The following DEUP1 variants were observed in gnomAD, a reference collection of about 807,000 sequenced individuals.
DEUP1 encodes coiled-coil domain containing 67.
Under a neutral mutation model 87.4 loss-of-function variants are expected in DEUP1, and 82 were observed. The ratio of observed to expected loss-of-function variants is 0.94; its 90% CI spans 0.78 to 1.13. The LOEUF (loss-of-function observed/expected upper bound fraction) is 1.13, where lower values mean the gene tolerates loss of function less well. Ranked by LOEUF, DEUP1 falls within the 50% of genes most tolerant of loss-of-function variation. The pLI is 0.00. For missense variants in DEUP1, 663 were observed against 681.5 expected, an observed-to-expected ratio of 0.97 and a Z score of 0.30; for synonymous variants, 214 against 222.7, an observed-to-expected ratio of 0.96 and a Z score of 0.35.
At chr11:93,403,206 T>G (rs991285285) in intron 11 of DEUP1, among the ~76,000 whole-genome samples, 6 of 151,958 alleles carry the variant, frequency 3.9e-5, no homozygotes, top group African/African-American at 7.2e-5. Flanking sequence ...TCTACTTGTT[T>G]TAAGGTTATA....
chr11:93,379,676 C>A (rs1381002020), intron 7 of DEUP1, among the ~76,000 whole-genome samples: 1 of 152,142 alleles, frequency 6.6e-6, no homozygotes, highest in Non-Finnish European at 1.5e-5. Context: ...ACTCTTCTGA[C>A]CCAAGTTCAA....
intron 4 of DEUP1, among the ~76,000 whole-genome samples, chr11:93,362,681 C>G (rs933383041): frequency 6.6e-6 from 1 of 151,868 alleles, no homozygotes. Flanking sequence ...TAAGATCCAA[C>G]AATTCCACTC....
In DEUP1 at chr11:93,394,483, G is replaced by A. The variant is rs772306267; in HGVS notation, c.1066G>A (p.Glu356Lys). The change falls in exon 10 of 14, where the codon GAA (glutamate) becomes AAA (lysine). Residue 356 changes from glutamate to lysine, a missense_variant. Glu to Lys is a moderately conservative substitution (Grantham distance 56). Transcript: ENST00000298050. Reference protein sequence around the residue: ...NKIRSQLQQVEEYHNSEQERM... With the variant: ...NKIRSQLQQVKEYHNSEQERM... ...GATAAGAAGCCAACTCCAACAGGTG[G>A]AAGAGTACCATAACTCTGAGCAGGA... 1.9e-6 allele frequency: 3 copies of A among 1,589,728 alleles called. No individual in the cohort carries two copies. Among genetic ancestry groups the A allele is most frequent in the Non-Finnish European group, 2.6e-6 (3 of 1,169,854 alleles).
intron 2 of DEUP1, among the ~76,000 whole-genome samples, chr11:93,343,070 T>A (rs548584322): frequency 2.2e-4 from 33 of 152,180 alleles, no homozygotes; most frequent in Non-Finnish European, 4.3e-4. Flanking sequence ...GACATAGAAG[T>A]CTTCAACTCA....
At chr11:93,368,220 C>T (rs1408784857) in intron 5 of DEUP1, among the ~76,000 whole-genome samples, 1 of 152,206 alleles carries the variant, frequency 6.6e-6, no homozygotes, top group Non-Finnish European at 1.5e-5. Context: ...CTGGCCATGG[C>T]CACAAGGGGC....
At chr11:93,359,574 C>T (rs1295441502) in intron 4 of DEUP1, among the ~76,000 whole-genome samples, 2 of 152,072 alleles carry the variant, frequency 1.3e-5, no homozygotes, top group African/African-American at 2.4e-5. Context: ...GTTTTTGCCT[C>T]ATATATCTCA....
chr11:93,371,967 C>T (rs1222028950), intron 7 of DEUP1, among the ~76,000 whole-genome samples: 5 of 146,348 alleles, frequency 3.4e-5, no homozygotes, highest in South Asian at 2.2e-4. Context: ...CTCGCTCTGT[C>T]GCCCAGGCTG....
intron 5 of DEUP1, among the ~76,000 whole-genome samples, chr11:93,367,096 TA>T (rs372855195): frequency 6.6e-6 from 1 of 152,194 alleles, no homozygotes; most frequent in African/African-American, 2.4e-5. Context: ...TTTATCATAG[TA>T]AATATAGTCT....
At chr11:93,333,733 A>G (rs950970307) in intron 2 of DEUP1, among the ~76,000 whole-genome samples, 1 of 152,244 alleles carries the variant, frequency 6.6e-6, no homozygotes, top group Non-Finnish European at 1.5e-5. Flanking sequence ...TAGTAGAGAA[A>G]GTAGGATTTG....
chr11:93,377,311 T>A (rs767777827), intron 7 of DEUP1, among the ~76,000 whole-genome samples: 2 of 152,194 alleles, frequency 1.3e-5, no homozygotes, highest in Non-Finnish European at 2.9e-5. Flanking sequence ...TAGGTGCATA[T>A]ATGTTTAGGA....
In DEUP1 at chr11:93,428,771, G is replaced by C. The variant is rs186414363; in HGVS notation, c.1639-8772G>C. Among the ~76,000 whole-genome samples the C allele has an allele frequency of 3.9e-4, 60 of 152,074 alleles. 1 individual carries two copies. Among genetic ancestry groups the C allele is most frequent in the African/African-American group, 1.4e-3 (58 of 41,498 alleles). On this transcript the variant is annotated intron_variant, in intron 13 of 13. Coordinates refer to ENST00000298050, the MANE Select transcript of DEUP1 (RefSeq NM_181645.4). Reference sequence around the variant, plus strand: ...TTGTATTTACTGATTTCATTACCCTGGTCATAGGCAATCATTAACCTGTTT... The same window carrying C: ...TTGTATTTACTGATTTCATTACCCTCGTCATAGGCAATCATTAACCTGTTT...
At chr11:93,417,017 A>G (rs902376759) in intron 13 of DEUP1, among the ~76,000 whole-genome samples, 1 of 151,850 alleles carries the variant, frequency 6.6e-6, no homozygotes, top group African/African-American at 2.4e-5. Flanking sequence ...TTAGGTATAC[A>G]TGGGACGTAT....
chr11:93,437,133 TC>T (rs1453786230), intron 13 of DEUP1, among the ~76,000 whole-genome samples: 1 of 152,210 alleles, frequency 6.6e-6, no homozygotes, highest in East Asian at 1.9e-4. Flanking sequence ...TCAAAGCCAA[TC>T]CTTATTTTCT....
At chr11:93,391,476 A>C (rs942360847) in intron 9 of DEUP1, among the ~76,000 whole-genome samples, 3 of 152,072 alleles carry the variant, frequency 2.0e-5, no homozygotes, top group Non-Finnish European at 2.9e-5. Context: ...TTGGGAGGCC[A>C]AGGTGGGCGG....
At chr11:93,373,624 C>CTTGTGT in intron 7 of DEUP1, among the ~76,000 whole-genome samples, 1 of 78,868 alleles carries the variant, frequency 1.3e-5, no homozygotes, top group South Asian at 3.4e-4. Context: ...TATATATATA[C>CTTGTGT]GTATATATAT....
intron 7 of DEUP1, among the ~76,000 whole-genome samples, chr11:93,374,703 G>A (rs1945943282): frequency 6.6e-6 from 1 of 151,942 alleles, no homozygotes; most frequent in Non-Finnish European, 1.5e-5. Flanking sequence ...TAGGGTATTT[G>A]GTAATTTGAT....
intron 12 of DEUP1, among the ~76,000 whole-genome samples, chr11:93,410,795 G>T (rs1039110390): frequency 6.6e-6 from 1 of 152,164 alleles, no homozygotes; most frequent in African/African-American, 2.4e-5. Context: ...AGGCAGTACA[G>T]AATGTGTTAA....
At chr11:93,344,607 A>T (rs1272417798) in intron 2 of DEUP1, among the ~76,000 whole-genome samples, 1 of 152,040 alleles carries the variant, frequency 6.6e-6, no homozygotes, top group Admixed American at 6.6e-5. Flanking sequence ...TATCTCATGT[A>T]TTCCAAACTG....
At chr11:93,353,261 TCTC>T (rs1944716000) in intron 2 of DEUP1, among the ~76,000 whole-genome samples, 1 of 152,158 alleles carries the variant, frequency 6.6e-6, no homozygotes, top group African/African-American at 2.4e-5. Context: ...TCCAAAATTA[TCTC>T]CTATGACTTC....
Sources: gnomAD v4.1 joint callset for allele counts (sites outside exome capture counted in the v4.1 genomes callset) on GRCh38, gnomAD v4.1.1 for gene constraint, MANE v1.5 for transcripts, NCBI Gene and HGNC (gene_info 2026-07-23, HGNC 2026-07-21) for gene names.